The following MBD2 variants were observed in gnomAD, a reference collection of about 807,000 sequenced individuals.
MBD2 encodes methyl-CpG-binding domain protein 2.
MBD2 carries 9 observed loss-of-function variants against 39.3 expected under a neutral mutation model. That is an observed-to-expected ratio of 0.23 (90% CI 0.14 to 0.40). The LOEUF (loss-of-function observed/expected upper bound fraction) is 0.40, where lower values mean the gene tolerates loss of function less well. MBD2 is among the 10% of genes least tolerant of loss of function. The pLI, the probability that MBD2 is intolerant of heterozygous loss-of-function variation, is 1.00. For synonymous variants in MBD2, 233 were observed against 211.1 expected (o/e 1.10, Z -0.90); for missense variants, 458 against 532.6 (o/e 0.86, Z 1.38).
rs1415260015 is a variant in MBD2, at chr18:54,151,658, G to C, written c.*3666C>G. 1 of 152,060 alleles carries C rather than the reference G, an allele frequency of 6.6e-6. No individual in the cohort carries two copies. The highest frequency in any genetic ancestry group is 2.4e-5 in the African/African-American group (1 of 41,390). The allele number at this position is 152,060 out of a possible 1,614,324, so 9.4% of individuals were successfully genotyped here. A position where few individuals can be genotyped will look rare whatever the true frequency, so the allele number is the denominator to read the frequency against. ...ACATTTTCTCATAGCATTTACTATG[G>C]AAATACTAATAGTGCAAATATTTAT... On this transcript the variant is annotated 3_prime_UTR_variant, in exon 7 of 7. Coordinates refer to ENST00000256429, the MANE Select transcript of MBD2 (RefSeq NM_003927.5).
At chr18:54,189,041 A>G (rs1195687848) in intron 2 of MBD2, 30 bp from the exon 3 acceptor site, 3 of 1,422,196 alleles carry the variant, frequency 2.1e-6, no homozygotes, top group African/African-American at 2.9e-5. Flanking sequence ...TTTATTTAAA[A>G]TATTATATAT....
chr18:54,192,562 T>C (rs534521554), intron 2 of MBD2, among the ~76,000 whole-genome samples: 1 of 152,164 alleles, frequency 6.6e-6, no homozygotes, highest in Non-Finnish European at 1.5e-5. Flanking sequence ...TATACTCTGC[T>C]GGTATTAGAA....
In MBD2 at chr18:54,177,897, G is replaced by A. The variant is rs561745867; in HGVS notation, c.840+10977C>T. 1.0e-4 allele frequency among the ~76,000 whole-genome samples: 14 copies of A among 137,768 alleles called. No individual in the cohort carries two copies. In the East Asian group the frequency reaches 2.7e-3, roughly 27 times the overall value. The allele number at this position is 137,768 out of a possible 152,430, so 90.4% of individuals were successfully genotyped here. ...CCCAAGCAGGAGTCAGGGATGCAGTGGGTATGATCATAGCTCGCTGCAACC... is the reference window on the plus strand; with the variant it reads ...CCCAAGCAGGAGTCAGGGATGCAGTAGGTATGATCATAGCTCGCTGCAACC... On this transcript the variant is annotated intron_variant, in intron 3 of 6. Transcript: ENST00000256429.
At chr18:54,164,470 A>C (rs2086116606) in intron 5 of MBD2, 53 bp downstream of exon 5, 19 of 1,541,464 alleles carry the variant, frequency 1.2e-5, no homozygotes, top group Non-Finnish European at 1.6e-5. Context: ...ACAGTAAAAA[A>C]TTTACCCAAA....
intron 1 of MBD2, among the ~76,000 whole-genome samples, chr18:54,207,275 A>G (rs2086458247): frequency 6.6e-6 from 1 of 152,236 alleles, no homozygotes; most frequent in South Asian, 2.1e-4. Context: ...GGAGGAGCAC[A>G]GCAACATCCT....
At chr18:54,185,807 G>T (rs147619322) in intron 3 of MBD2, among the ~76,000 whole-genome samples, 3 of 151,930 alleles carry the variant, frequency 2.0e-5, no homozygotes, top group African/African-American at 7.2e-5. Context: ...AAAAATGGCT[G>T]GCTACTACCC....
At chr18:54,164,366 C>T (rs1412857876) in intron 5 of MBD2, among the ~76,000 whole-genome samples, 157 bp downstream of exon 5, 1 of 152,080 alleles carries the variant, frequency 6.6e-6, no homozygotes, top group East Asian at 1.9e-4. Context: ...TCTTTTTTCA[C>T]CTTCTATCAG....
At chr18:54,163,909 G>C (rs2086112569) in intron 5 of MBD2, among the ~76,000 whole-genome samples, 1 of 151,986 alleles carries the variant, frequency 6.6e-6, no homozygotes, top group African/African-American at 2.4e-5. Context: ...TCTAAGACAG[G>C]ATCTAGCTCT....
At chr18:54,215,083 CA>C (rs1469722050) in intron 1 of MBD2, among the ~76,000 whole-genome samples, 4 of 152,182 alleles carry the variant, frequency 2.6e-5, no homozygotes, top group African/African-American at 9.6e-5. Flanking sequence ...GTTGAGGAAA[CA>C]AAAGCTTACA....
At chr18:54,221,240 G>A (rs987064066) in intron 1 of MBD2, among the ~76,000 whole-genome samples, 13 of 151,698 alleles carry the variant, frequency 8.6e-5, no homozygotes, top group African/African-American at 1.5e-4. Flanking sequence ...GGTGGATCAC[G>A]AGGTCAGGAG....
rs1568075594 is a variant in MBD2 at position 54,154,735 on chromosome 18, G to A, written c.*589C>T. On this transcript the variant is annotated 3_prime_UTR_variant, in exon 7 of 7. Coordinates refer to ENST00000256429, the MANE Select transcript of MBD2 (RefSeq NM_003927.5). ...ATGCGCTATCTTCCTCCACCTCCATGTCAAACCTAAGGCCCAGGGATCAGA... is the reference window on the plus strand; with the variant it reads ...ATGCGCTATCTTCCTCCACCTCCATATCAAACCTAAGGCCCAGGGATCAGA... 6.6e-6 allele frequency: 1 copy of A among 152,532 alleles called. No individual in the cohort carries two copies. Among genetic ancestry groups the A allele is most frequent in the African/African-American group, 2.4e-5 (1 of 41,446 alleles). The allele number at this position is 152,532 out of a possible 1,614,324, so 9.4% of individuals were successfully genotyped here.
At chr18:54,170,677 G>T (rs551682447) in intron 3 of MBD2, among the ~76,000 whole-genome samples, 1 of 152,288 alleles carries the variant, frequency 6.6e-6, no homozygotes, top group South Asian at 2.1e-4. Flanking sequence ...TGCTTGGTAG[G>T]ATAATCGGCA....
Position 54,224,317 on chromosome 18 carries a change from G to T in MBD2, c.243C>A (p.Gly81=), listed in dbSNP as rs1238087518. 379 of 979,718 alleles carry T rather than the reference G, an allele frequency of 3.9e-4. 11 individuals are homozygous for T. In the East Asian group the frequency reaches 0.033, roughly 86 times the overall value. The allele number at this position is 979,718 out of a possible 1,614,324, so 60.7% of individuals were successfully genotyped here. A position where few individuals can be genotyped will look rare whatever the true frequency, so the allele number is the denominator to read the frequency against. ...GGCCCCGTCCCCGTCCCCGGCCACG[G>T]CCCCGGCCCCGGCCACGGCCACAGA... is the stretch of plus-strand genomic sequence containing the variant. The part of the protein sequence containing the change: ...GGVCGRGRGR[G]RGRGRGRGRG... The change falls in exon 1 of 7, where the codon GGC becomes GGA. Residue 81 remains glycine (G), a synonymous_variant. Transcript: ENST00000256429.
chr18:54,220,116 T>A (rs1022214552), intron 1 of MBD2, among the ~76,000 whole-genome samples: 2 of 152,098 alleles, frequency 1.3e-5, no homozygotes, highest in African/African-American at 2.4e-5. Flanking sequence ...TTGATTTTTT[T>A]AAAAAAGGCA....
At chr18:54,196,341 T>C (rs891333367) in intron 2 of MBD2, among the ~76,000 whole-genome samples, 4 of 152,168 alleles carry the variant, frequency 2.6e-5, no homozygotes, top group African/African-American at 9.7e-5. Context: ...GAAGAATGAT[T>C]ACAATTCATC....
intron 1 of MBD2, among the ~76,000 whole-genome samples, chr18:54,212,496 A>T (rs1388022372): frequency 6.6e-6 from 1 of 152,208 alleles, no homozygotes; most frequent in Admixed American, 6.5e-5. Flanking sequence ...ACTTGACGTC[A>T]GATTTCCTTC....
intron 1 of MBD2, among the ~76,000 whole-genome samples, chr18:54,212,613 T>C (rs886640204): frequency 6.6e-6 from 1 of 152,084 alleles, no homozygotes; most frequent in African/African-American, 2.4e-5. Context: ...TACTTTTGTA[T>C]GTATGAATGA....
chr18:54,209,772 T>C (rs771801643), intron 1 of MBD2, among the ~76,000 whole-genome samples: 10 of 152,154 alleles, frequency 6.6e-5, no homozygotes, highest in Non-Finnish European at 1.3e-4. Flanking sequence ...ATCTGTACAG[T>C]AGCAAACTGA....
intron 5 of MBD2, among the ~76,000 whole-genome samples, chr18:54,161,837 C>T (rs1365860178): frequency 6.6e-6 from 1 of 151,532 alleles, no homozygotes; most frequent in African/African-American, 2.4e-5. Context: ...TGGGATATCT[C>T]TCCATGATTA....
Sources: allele counts gnomAD v4.1 joint callset (sites outside exome capture counted in the v4.1 genomes callset), GRCh38; gene constraint gnomAD v4.1.1; transcripts MANE v1.5; gene names NCBI Gene and HGNC (gene_info 2026-07-23, HGNC 2026-07-21).